The following IL1RAPL1 variants were observed in gnomAD, a reference collection of about 807,000 sequenced individuals.
IL1RAPL1 encodes interleukin 1 receptor accessory protein like 1.
IL1RAPL1 carries 3 observed loss-of-function variants against 48.4 expected under a neutral mutation model. The ratio of observed to expected loss-of-function variants is 0.06; its 90% CI spans 0.03 to 0.16. The LOEUF (loss-of-function observed/expected upper bound fraction) is 0.16, where lower values mean the gene tolerates loss of function less well. IL1RAPL1 is among the 10% of genes least tolerant of loss of function. The pLI is 1.00. For missense variants in IL1RAPL1, 349 were observed against 530.6 expected (o/e 0.66, Z 3.36); for synonymous variants, 185 against 187.7 (o/e 0.99, Z 0.12).
intron 2 of IL1RAPL1, among the ~76,000 whole-genome samples, chrX:28,796,534 A>G (rs1936612913): frequency 8.9e-6 from 1 of 112,182 alleles, no homozygotes; most frequent in Non-Finnish European, 1.9e-5. Context: ...TGCAAGTCCA[A>G]AATCTAGCAG....
chrX:28,813,189 T>C (rs890357790), intron 2 of IL1RAPL1, among the ~76,000 whole-genome samples: 3 of 111,732 alleles, frequency 2.7e-5, no homozygotes, highest in African/African-American at 9.7e-5. Flanking sequence ...CATGCAGCAC[T>C]ATGAATTTCC....
intron 2 of IL1RAPL1, among the ~76,000 whole-genome samples, chrX:29,090,254 TAAAC>T (rs1422402759): frequency 8.9e-6 from 1 of 111,815 alleles, no homozygotes; most frequent in East Asian, 2.8e-4. Context: ...GGAAATATGT[TAAAC>T]AGATATGTTT....
At chrX:29,027,227 A>ATTATGG (rs1254491549) in intron 2 of IL1RAPL1, among the ~76,000 whole-genome samples, 2 of 112,297 alleles carry the variant, frequency 1.8e-5, no homozygotes, top group Non-Finnish European at 3.8e-5. Context: ...GGCAACCACA[A>ATTATGG]ACCTTTTTAC....
intron 6 of IL1RAPL1, among the ~76,000 whole-genome samples, chrX:29,907,842 TTTGTTTAA>T (rs929559051): frequency 1.2e-5 from 1 of 82,246 alleles, no homozygotes; most frequent in Non-Finnish European, 2.2e-5. Context: ...TGGGAATGGA[TTTGTTTAA>T]TTGTTTATTG....
intron 1 of IL1RAPL1, among the ~76,000 whole-genome samples, chrX:28,777,762 C>G (rs112572152): frequency 0.026 from 2,901 of 110,517 alleles, 101 homozygotes; most frequent in African/African-American, 0.091. Context: ...AGCCATGCCC[C>G]AGATTATTTG....
intron 6 of IL1RAPL1, among the ~76,000 whole-genome samples, chrX:29,841,455 A>C (rs1931134314): frequency 9.0e-6 from 1 of 111,481 alleles, no homozygotes; most frequent in Non-Finnish European, 1.9e-5. Flanking sequence ...GCATGTAAAA[A>C]GGCCAAAATT....
At chrX:29,147,713 A>C (rs772116009) in intron 2 of IL1RAPL1, among the ~76,000 whole-genome samples, 3 of 112,105 alleles carry the variant, frequency 2.7e-5, no homozygotes, top group Non-Finnish European at 5.6e-5. Context: ...GGCTTCCTCA[A>C]TCATAAGCTA....
chrX:28,960,873 G>A (rs777675797), intron 2 of IL1RAPL1, among the ~76,000 whole-genome samples: 107 of 109,219 alleles, frequency 9.8e-4, no homozygotes, highest in Admixed American at 2.1e-3. Flanking sequence ...AGCCAGGCGT[G>A]GTGGCGGGCG....
intron 2 of IL1RAPL1, among the ~76,000 whole-genome samples, chrX:28,988,633 A>C (rs777168195): frequency 8.9e-4 from 100 of 112,173 alleles, no homozygotes; most frequent in African/African-American, 3.1e-3. Context: ...CCTGGAAAGA[A>C]GTACCCACTC....
chrX:29,645,853 T>G lies in IL1RAPL1; in HGVS notation c.704-22577T>G, dbSNP rs142638114. Reference sequence around the variant, plus strand: ...CTTAGTACAGCATAATTTGCAGTGGTCTAGGGCTTAGGGAATTCCCTAGCA... The same window carrying G: ...CTTAGTACAGCATAATTTGCAGTGGGCTAGGGCTTAGGGAATTCCCTAGCA... On this transcript the variant is annotated intron_variant, in intron 5 of 10. Transcript: ENST00000378993. Among the ~76,000 whole-genome samples the G allele has an allele frequency of 0.023, 2,578 of 111,938 alleles. 84 individuals carry two copies. The East Asian group carries it at 0.23, about 10-fold the overall frequency.
chrX:29,021,604 G>C (rs1404443770), intron 2 of IL1RAPL1, among the ~76,000 whole-genome samples: 2 of 111,913 alleles, frequency 1.8e-5, no homozygotes, highest in Non-Finnish European at 3.8e-5. Flanking sequence ...TAGAATTTTT[G>C]TCATAGAAAG....
At chrX:29,763,444 C>G (rs2147146499) in intron 6 of IL1RAPL1, among the ~76,000 whole-genome samples, 1 of 110,930 alleles carries the variant, frequency 9.0e-6, no homozygotes, top group South Asian at 3.7e-4. Flanking sequence ...TGCTCAGGAA[C>G]AGTCTGATGT....
intron 1 of IL1RAPL1, among the ~76,000 whole-genome samples, chrX:28,610,906 T>C (rs995134516): frequency 9.9e-5 from 11 of 111,243 alleles, no homozygotes; most frequent in African/African-American, 3.6e-4. Flanking sequence ...GAGGGCAGAG[T>C]GAGCTCTTTG....
At chrX:29,141,894 T>A (rs1281328133) in intron 2 of IL1RAPL1, among the ~76,000 whole-genome samples, 1 of 111,974 alleles carries the variant, frequency 8.9e-6, no homozygotes, top group African/African-American at 3.2e-5. Flanking sequence ...GCTAGTAAAT[T>A]CACAAAACCA....
intron 1 of IL1RAPL1, among the ~76,000 whole-genome samples, chrX:28,782,244 C>A (rs1463354876): frequency 9.0e-6 from 1 of 111,371 alleles, no homozygotes; most frequent in African/African-American, 3.3e-5. Context: ...TTTTAACTTT[C>A]CCTATACAAT....
In IL1RAPL1 at chrX:29,005,385, G is replaced by A. The variant is rs112662807; in HGVS notation, c.82+215960G>A. 6.0e-3 allele frequency among the ~76,000 whole-genome samples: 667 copies of A among 111,923 alleles called. 7 individuals carry two copies. Among genetic ancestry groups the A allele is most frequent in the African/African-American group, 0.021 (638 of 30,815 alleles). On this transcript the variant is annotated intron_variant, in intron 2 of 10. Coordinates refer to ENST00000378993, the MANE Select transcript of IL1RAPL1 (RefSeq NM_014271.4). Reference sequence around the variant, plus strand: ...CGTTAAGTGAAGTTGAATGCATAATGACTATATTAGCATAGAATATATGAG... The same window carrying A: ...CGTTAAGTGAAGTTGAATGCATAATAACTATATTAGCATAGAATATATGAG...
At chrX:29,001,896 AC>A (rs1444557770) in intron 2 of IL1RAPL1, among the ~76,000 whole-genome samples, 71 of 105,041 alleles carry the variant, frequency 6.8e-4, no homozygotes, top group Non-Finnish European at 1.1e-3. Flanking sequence ...ACAATGAAGA[AC>A]TTTTTTTTTT....
At chrX:29,627,910 A>T (rs1924662154) in intron 5 of IL1RAPL1, among the ~76,000 whole-genome samples, 1 of 112,276 alleles carries the variant, frequency 8.9e-6, no homozygotes, top group Non-Finnish European at 1.9e-5. Flanking sequence ...AATGGTGTCA[A>T]GCATAGAAGA....
intron 1 of IL1RAPL1, among the ~76,000 whole-genome samples, chrX:28,619,628 A>T (rs941901915): frequency 9.6e-6 from 1 of 104,043 alleles, no homozygotes; most frequent in Non-Finnish European, 2.0e-5. Flanking sequence ...AAAAAAAAAG[A>T]TAAAAAAAAT....
Sources: allele counts gnomAD v4.1 joint callset (sites outside exome capture counted in the v4.1 genomes callset), GRCh38; gene constraint gnomAD v4.1.1; transcripts MANE v1.5; gene names NCBI Gene and HGNC (gene_info 2026-07-23, HGNC 2026-07-21).